Variants in EXOC6B observed in about 807,000 individuals in gnomAD.
EXOC6B encodes SEC15 homolog B.
Under a neutral mutation model 113.5 loss-of-function variants are expected in EXOC6B, and 54 were observed. The ratio of observed to expected loss-of-function variants is 0.48; its 90% CI spans 0.38 to 0.60. The LOEUF (loss-of-function observed/expected upper bound fraction) is 0.60, where lower values mean the gene tolerates loss of function less well. Ranked by LOEUF, EXOC6B falls within the 20% of genes least tolerant of loss-of-function variation. The probability of loss-of-function intolerance (pLI) is 0.00; values close to 1 mark genes in which losing one functional copy is unlikely to be tolerated. For synonymous variants in EXOC6B, 357 were observed against 339.0 expected (o/e 1.05, Z -0.58); for missense variants, 797 against 977.5 (o/e 0.82, Z 2.46).
At chr2:72,762,956 C>A (rs1682831960) in intron 1 of EXOC6B, among the ~76,000 whole-genome samples, 1 of 151,790 alleles carries the variant, frequency 6.6e-6, no homozygotes, top group East Asian at 1.9e-4. Flanking sequence ...CAAACACGTA[C>A]AATAGCATTT....
intron 18 of EXOC6B, among the ~76,000 whole-genome samples, chr2:72,400,670 CAAAA>C (rs968202360): frequency 8.7e-6 from 1 of 114,690 alleles, no homozygotes. Flanking sequence ...CATACGCAGC[CAAAA>C]AAAAAAAAGA....
In EXOC6B at chr2:72,357,633, G is replaced by A. The variant is rs548028958; in HGVS notation, c.2122+22096C>T. Among the ~76,000 whole-genome samples the A allele has an allele frequency of 2.0e-5, 3 of 152,146 alleles. No individual in the cohort carries two copies. The South Asian group carries it at 6.2e-4, about 32-fold the overall frequency. ...TTAAACTCAGAAGGCAGAGGTTGCA[G>A]TGAGCTGAGACAGTGCCACCGCACT... On this transcript the variant is annotated intron_variant, in intron 19 of 21. Coordinates refer to ENST00000272427, the MANE Select transcript of EXOC6B (RefSeq NM_015189.3).
chr2:72,552,605 C>G (rs755683820), intron 8 of EXOC6B, among the ~76,000 whole-genome samples: 8 of 151,748 alleles, frequency 5.3e-5, no homozygotes, highest in Non-Finnish European at 1.0e-4. Flanking sequence ...TATGGCCAAA[C>G]CACAAACACA....
intron 5 of EXOC6B, among the ~76,000 whole-genome samples, chr2:72,719,790 G>A (rs577457023): frequency 1.1e-4 from 16 of 152,286 alleles, no homozygotes; most frequent in African/African-American, 3.8e-4. Context: ...ACTAAAGGAA[G>A]CCTGAAAGGA....
At chr2:72,706,906 T>C (rs1406632889) in intron 6 of EXOC6B, among the ~76,000 whole-genome samples, 1 of 152,154 alleles carries the variant, frequency 6.6e-6, no homozygotes, top group Non-Finnish European at 1.5e-5. Context: ...TTGGAGCCCA[T>C]AAGAAGTTCA....
chr2:72,813,635 C>T (rs1686047297), intron 1 of EXOC6B, among the ~76,000 whole-genome samples: 1 of 152,106 alleles, frequency 6.6e-6, no homozygotes, highest in Non-Finnish European at 1.5e-5. Flanking sequence ...AAAATGTATT[C>T]CATAAATATG....
At chr2:72,278,309 C>T (rs917409883) in intron 20 of EXOC6B, among the ~76,000 whole-genome samples, 1 of 152,172 alleles carries the variant, frequency 6.6e-6, no homozygotes. Flanking sequence ...GTGACAACCT[C>T]CATGCATCTC....
At chr2:72,509,782 G>A (rs1415066626) in intron 11 of EXOC6B, among the ~76,000 whole-genome samples, 4 of 151,842 alleles carry the variant, frequency 2.6e-5, no homozygotes, top group African/African-American at 9.7e-5. Flanking sequence ...AAATGACATG[G>A]AAGAGATTTT....
chr2:72,372,766 A>AC (rs1691116464), intron 19 of EXOC6B, among the ~76,000 whole-genome samples: 1 of 151,818 alleles, frequency 6.6e-6, no homozygotes, highest in South Asian at 2.1e-4. Context: ...AATTGCTTGA[A>AC]CCTGGGAGGC....
intron 20 of EXOC6B, among the ~76,000 whole-genome samples, chr2:72,282,071 C>T (rs748832464): frequency 1.3e-5 from 2 of 152,052 alleles, no homozygotes; most frequent in African/African-American, 2.4e-5. Context: ...GCCCTCCTCA[C>T]CCCCTGCCAA....
In EXOC6B at chr2:72,783,262, C is replaced by T. The variant is rs534115107; in HGVS notation, c.114-41793G>A. ...TATCCATGGTTTTGATTGCATTTCT[C>T]TGATTAGTGGTGTTGAGCATTTTTA... is the stretch of plus-strand genomic sequence containing the variant. On this transcript the variant is annotated intron_variant, in intron 1 of 21. Transcript: ENST00000272427. Among the ~76,000 whole-genome samples the T allele has an allele frequency of 2.1e-5, 3 of 145,212 alleles. No individual in the cohort carries two copies. In the East Asian group the frequency reaches 6.0e-4, roughly 29 times the overall value.
chr2:72,654,559 T>C (rs747315657), intron 6 of EXOC6B, among the ~76,000 whole-genome samples: 35 of 152,366 alleles, frequency 2.3e-4, no homozygotes, highest in Non-Finnish European at 3.8e-4. Context: ...CCTCCAGAGA[T>C]GTAAATTAAA....
At chr2:72,554,832 T>C (rs1703443075) in intron 8 of EXOC6B, among the ~76,000 whole-genome samples, 1 of 152,162 alleles carries the variant, frequency 6.6e-6, no homozygotes, top group Admixed American at 6.5e-5. Flanking sequence ...GCTATACACG[T>C]GCCATGTTGG....
intron 20 of EXOC6B, among the ~76,000 whole-genome samples, chr2:72,281,388 T>C (rs1475021503): frequency 6.6e-6 from 1 of 152,176 alleles, no homozygotes; most frequent in Non-Finnish European, 1.5e-5. Flanking sequence ...GAAACAGTAC[T>C]ACAGGTGAGT....
In EXOC6B at chr2:72,315,339, A is replaced by ATGTGTGTGTG. The variant is rs141556284; in HGVS notation, c.2196+19598_2196+19607dup. ...AAGTAGTCACAGAGTTAAAGGGTGT[A>ATGTGTGTGTG]TGTGTGTGTGTGTGTGTGTGTGAAG... On this transcript the variant is annotated intron_variant, in intron 20 of 21. Coordinates refer to ENST00000272427, the MANE Select transcript of EXOC6B (RefSeq NM_015189.3). 2.3e-3 allele frequency among the ~76,000 whole-genome samples: 345 copies of ATGTGTGTGTG among 148,666 alleles called. 1 individual carries two copies. Among genetic ancestry groups the ATGTGTGTGTG allele is most frequent in the African/African-American group, 7.6e-3 (311 of 40,764 alleles).
At chr2:72,292,532 G>A (rs948212564) in intron 20 of EXOC6B, among the ~76,000 whole-genome samples, 6 of 143,844 alleles carry the variant, frequency 4.2e-5, no homozygotes, top group Middle Eastern at 5.2e-3. Flanking sequence ...TTACATGCAC[G>A]CTTTGTGTGT....
intron 20 of EXOC6B, among the ~76,000 whole-genome samples, chr2:72,323,555 A>G (rs1343544372): frequency 6.6e-6 from 1 of 152,200 alleles, no homozygotes. Context: ...TTGCGGCACT[A>G]TTCACAATAG....
chr2:72,461,145 G>T (rs1391333494), intron 18 of EXOC6B, among the ~76,000 whole-genome samples: 4 of 146,758 alleles, frequency 2.7e-5, no homozygotes, highest in Non-Finnish European at 5.9e-5. Context: ...ATTCATAGGT[G>T]GGAATTGAAC....
At chr2:72,463,358 G>GA (rs1290733674) in intron 18 of EXOC6B, 5 of 151,958 alleles carry the variant, frequency 3.3e-5, no homozygotes, top group Admixed American at 2.6e-4. Context: ...AAAACATGTA[G>GA]AAAAAACATA....
Sources: gnomAD v4.1 joint callset for allele counts (sites outside exome capture counted in the v4.1 genomes callset) on GRCh38, gnomAD v4.1.1 for gene constraint, MANE v1.5 for transcripts, NCBI Gene and HGNC (gene_info 2026-07-23, HGNC 2026-07-21) for gene names.